UNC45B: variants seen among roughly 807,000 people sequenced by gnomAD.
UNC45B encodes the protein unc-45 myosin chaperone B.
A neutral mutation model predicts 98.7 loss-of-function variants in UNC45B; 78 were observed. The observed-to-expected ratio is 0.79, with a 90% CI of 0.66 to 0.95. The LOEUF is 0.95. Ranked by LOEUF, UNC45B falls within the 40% of genes least tolerant of loss-of-function variation. The probability of loss-of-function intolerance (pLI) is 0.00; values close to 1 mark genes in which losing one functional copy is unlikely to be tolerated. For synonymous variants in UNC45B, 462 were observed against 480.4 expected, an observed-to-expected ratio of 0.96 and a Z score of 0.50; for missense variants, 1,225 against 1,184.9, an observed-to-expected ratio of 1.03 and a Z score of -0.50.
At chr17:35,182,481 T>C (rs1380388120) in intron 18 of UNC45B, among the ~76,000 whole-genome samples, 1 of 152,076 alleles carries the variant, frequency 6.6e-6, no homozygotes, top group Non-Finnish European at 1.5e-5. Flanking sequence ...TGGATTCCAT[T>C]CTGATGGTGA....
chr17:35,171,075 G>A (rs1266696179), intron 12 of UNC45B, among the ~76,000 whole-genome samples: 1 of 152,166 alleles, frequency 6.6e-6, no homozygotes, highest in Non-Finnish European at 1.5e-5. Flanking sequence ...CGCAAAGCGA[G>A]GATCTTTGTG....
At chr17:35,151,477 A>G (rs769006553) in intron 4 of UNC45B, among the ~76,000 whole-genome samples, 5 of 152,220 alleles carry the variant, frequency 3.3e-5, no homozygotes, top group Admixed American at 6.5e-5. Flanking sequence ...GATGTGAGCC[A>G]GGAGCATAAA....
chr17:35,159,997 G>C (rs954700848), intron 8 of UNC45B, among the ~76,000 whole-genome samples: 2 of 152,184 alleles, frequency 1.3e-5, no homozygotes, highest in Non-Finnish European at 2.9e-5. Flanking sequence ...CCAAGATTAC[G>C]GACATGCCCC....
In UNC45B at chr17:35,159,394, G is replaced by A. The variant is rs2092086521; in HGVS notation, c.828G>A (p.Lys276=). 6.2e-7 allele frequency: 1 copy of A among 1,613,526 alleles called. No homozygotes were observed. The highest frequency in any genetic ancestry group is 1.1e-5 in the South Asian group (1 of 91,032). Residue 276 remains lysine (K), a synonymous_variant, in exon 8 of 20, where the codon AAG becomes AAA. Transcript: ENST00000394570. ...ALVLDTKKDL[K]QITSHLLDML... ...CTTCAGACACCAAGAAGGACCTGAA[G>A]CAGATCACCAGCCACCTGCTGGACA... is the stretch of plus-strand genomic sequence containing the variant.
chr17:35,168,793 G>A (rs867336186), intron 10 of UNC45B, among the ~76,000 whole-genome samples: 14 of 152,040 alleles, frequency 9.2e-5, no homozygotes, highest in South Asian at 4.2e-4. Flanking sequence ...TGCAACCTCC[G>A]CCTCCCAGGT....
Position 35,186,369 on chromosome 17 carries a change from T to C in UNC45B, c.2600T>C (p.Leu867Pro), listed in dbSNP as rs1471246374. 4.3e-6 allele frequency: 7 copies of C among 1,614,178 alleles called. No homozygotes were observed. In the Admixed American group the frequency reaches 8.3e-5, roughly 19 times the overall value. ...HDQLSVQHRG[L>P]VIAYNLLAAD... Reference sequence around the variant, plus strand: ...CAGCTGTCTGTCCAACACCGGGGCCTGGTCATTGCCTACAACCTACTGGCA... The same window carrying C: ...CAGCTGTCTGTCCAACACCGGGGCCCGGTCATTGCCTACAACCTACTGGCA... Residue 867 changes from leucine (L) to proline (P), a missense_variant, in exon 20 of 20, where the codon CTG becomes CCG. Coordinates refer to ENST00000394570, the MANE Select transcript of UNC45B (RefSeq NM_001267052.2).
chr17:35,177,024 T>G lies in UNC45B; in HGVS notation c.2033T>G (p.Ile678Ser). The G allele has an allele frequency of 1.9e-6, 3 of 1,613,896 alleles. No homozygotes were observed. Among genetic ancestry groups the G allele is most frequent in the Non-Finnish European group, 1.7e-6 (2 of 1,179,814 alleles). ...CCTTGCCCTTTCTTGCAGGCCCTGATTCCCCTGGCTTTGGAGGGCACAGAT... is the reference window on the plus strand; with the variant it reads ...CCTTGCCCTTTCTTGCAGGCCCTGAGTCCCCTGGCTTTGGAGGGCACAGAT... ...IVAQGGGKAL[I>S]PLALEGTDVG... The change falls in exon 16 of 20, where the codon ATT becomes AGT. Residue 678 changes from isoleucine to serine, a missense_variant. Transcript: ENST00000394570.
In UNC45B at chr17:35,150,171, A is replaced by G. The variant is rs763017190; in HGVS notation, c.329A>G (p.Asn110Ser). The change falls in exon 4 of 20, where the codon AAC (asparagine) becomes AGC (serine). Residue 110 changes from asparagine (N) to serine (S), a missense_variant. Coordinates refer to ENST00000394570, the MANE Select transcript of UNC45B (RefSeq NM_001267052.2). ...CGTTGTGCCACCCTCGAGCCACGGA[A>G]CCAGAACTTCCAGGAGATGCTGAGG... is the stretch of plus-strand genomic sequence containing the variant. ...VQRCATLEPR[N>S]QNFQEMLRRL... 1.2e-6 allele frequency: 2 copies of G among 1,613,760 alleles called. No homozygotes were observed. The highest frequency in any genetic ancestry group is 1.7e-6 in the Non-Finnish European group (2 of 1,179,806).
Position 35,171,309 on chromosome 17 carries a change from C to G in UNC45B, c.1690-13C>G. The G allele has an allele frequency of 6.2e-7, 1 of 1,613,334 alleles. No homozygotes were observed. The highest frequency in any genetic ancestry group is 8.5e-7 in the Non-Finnish European group (1 of 1,179,556). ...CTTTCTGCTTTCCCTCTCCCCAACC[C>G]TGTGCCTTCCAGACCAGTGACAAGA... is the stretch of plus-strand genomic sequence containing the variant. On this transcript the variant is annotated splice_polypyrimidine_tract_variant and intron_variant, in intron 12 of 19. Coordinates refer to ENST00000394570, the MANE Select transcript of UNC45B (RefSeq NM_001267052.2).
chr17:35,166,173 T>TAGG (rs2092140055), intron 9 of UNC45B, among the ~76,000 whole-genome samples: 1 of 144,114 alleles, frequency 6.9e-6, no homozygotes, highest in Non-Finnish European at 1.5e-5. Flanking sequence ...GAAGCTGAGG[T>TAGG]AGGAGGATCA....
At chr17:35,151,761 A>G (rs1259587464) in intron 4 of UNC45B, among the ~76,000 whole-genome samples, 1 of 152,222 alleles carries the variant, frequency 6.6e-6, no homozygotes, top group Admixed American at 6.5e-5. Flanking sequence ...GGAGAGATTC[A>G]GAGAGGGATA....
chr17:35,159,381 A>G lies in UNC45B; in HGVS notation c.815A>G (p.Lys272Arg). The G allele has an allele frequency of 6.2e-7, 1 of 1,612,492 alleles. No homozygotes were observed. The highest frequency in any genetic ancestry group is 8.5e-7 in the Non-Finnish European group (1 of 1,178,896). Residue 272 changes from lysine (K) to arginine (R), a missense_variant, in exon 8 of 20, where the codon AAG (lysine) becomes AGG (arginine). Lys to Arg is a conservative substitution (Grantham distance 26). Coordinates refer to ENST00000394570, the MANE Select transcript of UNC45B (RefSeq NM_001267052.2). The part of the protein sequence containing the change: ...GKEEALVLDT[K>R]KDLKQITSHL... ...CCGTCCTCTTTTTCTTCAGACACCA[A>G]GAAGGACCTGAAGCAGATCACCAGC...
intron 10 of UNC45B, among the ~76,000 whole-genome samples, chr17:35,168,775 C>A (rs1339840662): frequency 2.0e-5 from 3 of 152,144 alleles, no homozygotes; most frequent in African/African-American, 7.2e-5. Context: ...AGCGAAATCT[C>A]AGCTCACTGC....
At chr17:35,154,436 G>A in intron 5 of UNC45B, 138 bp from the exon 6 acceptor site, 1 of 763,322 alleles carries the variant, frequency 1.3e-6, no homozygotes, top group Non-Finnish European at 2.0e-6. Flanking sequence ...TTTCCAGGAG[G>A]AGGATTACCA....
At chr17:35,163,154 A>C (rs1226059772) in intron 8 of UNC45B, among the ~76,000 whole-genome samples, 1 of 152,250 alleles carries the variant, frequency 6.6e-6, no homozygotes, top group East Asian at 1.9e-4. Flanking sequence ...GGATTAGATG[A>C]AGTGAATGTG....
At chr17:35,171,729 A>C (rs1008541725) in intron 13 of UNC45B, among the ~76,000 whole-genome samples, 2 of 152,248 alleles carry the variant, frequency 1.3e-5, no homozygotes, top group Non-Finnish European at 2.9e-5. Context: ...ACACTTTGCA[A>C]TTTGTGTTGT....
At chr17:35,166,065 A>G (rs2092136936) in intron 9 of UNC45B, among the ~76,000 whole-genome samples, 1 of 144,056 alleles carries the variant, frequency 6.9e-6, no homozygotes, top group South Asian at 2.3e-4. Flanking sequence ...AACCCAGGCA[A>G]TGTAGAGAGA....
chr17:35,173,659 G>T lies in UNC45B; in HGVS notation c.1831-583G>T, dbSNP rs117368114. ...TCCTAGTACTAACTCTGATCTTCCT[G>T]CCTCCCTCTTATAAAGATCCTGGTG... On this transcript the variant is annotated intron_variant, in intron 13 of 19. Transcript: ENST00000394570. Among the ~76,000 whole-genome samples, 169 of 151,960 alleles carry T rather than the reference G, an allele frequency of 1.1e-3. 1 individual carries two copies. Among genetic ancestry groups the T allele is most frequent in the Non-Finnish European group, 2.0e-3 (139 of 67,986 alleles).
intron 8 of UNC45B, among the ~76,000 whole-genome samples, chr17:35,163,251 C>A (rs2092114008): frequency 6.6e-6 from 1 of 152,088 alleles, no homozygotes; most frequent in Non-Finnish European, 1.5e-5. Context: ...TCAGTGTTAC[C>A]CTTCTATACT....
Sources: allele counts gnomAD v4.1 joint callset (sites outside exome capture counted in the v4.1 genomes callset), GRCh38; gene constraint gnomAD v4.1.1; transcripts MANE v1.5; gene names NCBI Gene and HGNC (gene_info 2026-07-23, HGNC 2026-07-21).